Variants in LUZP2 observed in about 807,000 individuals in gnomAD.
The protein encoded by LUZP2 is leucine zipper protein 2.
In LUZP2, 52 loss-of-function variants were observed where a neutral mutation model predicts 51.6. That is an observed-to-expected ratio of 1.01 (90% CI 0.81 to 1.27). LUZP2 has a LOEUF of 1.27. LUZP2 is among the 50% of genes most tolerant of loss of function. The pLI is 0.00. For missense variants in LUZP2, 436 were observed against 395.4 expected (o/e 1.10, Z -0.87); for synonymous variants, 154 against 137.3 (o/e 1.12, Z -0.85).
chr11:24,969,083 T>C (rs1429977941), intron 7 of LUZP2, among the ~76,000 whole-genome samples: 1 of 152,176 alleles, frequency 6.6e-6, no homozygotes, highest in African/African-American at 2.4e-5. Flanking sequence ...TGGTTTGTTG[T>C]ACATATTATT....
intron 5 of LUZP2, among the ~76,000 whole-genome samples, chr11:24,770,541 T>G (rs1353689789): frequency 6.6e-6 from 1 of 152,214 alleles, no homozygotes; most frequent in Non-Finnish European, 1.5e-5. Flanking sequence ...TCAGCTCCTG[T>G]TATCAACTGA....
intron 4 of LUZP2, among the ~76,000 whole-genome samples, chr11:24,741,930 TA>T (rs1859171022): frequency 2.1e-4 from 4 of 19,456 alleles, no homozygotes; most frequent in Non-Finnish European, 6.2e-4. Context: ...ATTTATATAT[TA>T]TATATAAATA....
intron 1 of LUZP2, among the ~76,000 whole-genome samples, chr11:24,630,556 A>G (rs569043911): frequency 2.7e-4 from 41 of 151,926 alleles, no homozygotes; most frequent in African/African-American, 9.6e-4. Context: ...ATGTGTCTAC[A>G]TTAATGCCAG....
At position 24,717,271 on chromosome 11, in the gene LUZP2, T is replaced by C. The variant is rs995666257; in HGVS notation, c.63-11898T>C. On this transcript the variant is annotated intron_variant, in intron 1 of 11. Coordinates refer to ENST00000336930, the MANE Select transcript of LUZP2 (RefSeq NM_001009909.4). Reference sequence around the variant, plus strand: ...ACAATGTGCTATCAAATAAAAACAATGTAGTCTTAATTTTTTTTCTTATTT... The same window carrying C: ...ACAATGTGCTATCAAATAAAAACAACGTAGTCTTAATTTTTTTTCTTATTT... 8.5e-5 allele frequency among the ~76,000 whole-genome samples: 13 copies of C among 152,164 alleles called. 1 individual carries two copies. The East Asian group carries it at 9.7e-4, about 11-fold the overall frequency.
chr11:24,502,955 T>A (rs1295586505), intron 1 of LUZP2, among the ~76,000 whole-genome samples: 1 of 152,238 alleles, frequency 6.6e-6, no homozygotes, highest in African/African-American at 2.4e-5. Context: ...TTCATTGATT[T>A]CATCATTTAC....
At chr11:24,682,647 C>T (rs113972259) in intron 1 of LUZP2, among the ~76,000 whole-genome samples, 27,334 of 148,516 alleles carry the variant, frequency 0.18, 2,627 homozygotes, top group East Asian at 0.32. Context: ...TATATACACA[C>T]ACACACATAC....
chr11:24,993,595 A>C (rs1856413297), intron 9 of LUZP2, among the ~76,000 whole-genome samples: 2 of 152,210 alleles, frequency 1.3e-5, no homozygotes, highest in South Asian at 4.1e-4. Context: ...ACCCTTTACC[A>C]TTATGCGATG....
At chr11:24,773,147 A>T (rs573333844) in intron 5 of LUZP2, among the ~76,000 whole-genome samples, 1 of 151,776 alleles carries the variant, frequency 6.6e-6, no homozygotes, top group African/African-American at 2.4e-5. Context: ...CAATGGAAGT[A>T]TCCTAAAATT....
intron 7 of LUZP2, among the ~76,000 whole-genome samples, chr11:24,935,141 C>T (rs928135338): frequency 6.6e-6 from 1 of 152,046 alleles, no homozygotes; most frequent in African/African-American, 2.4e-5. Context: ...AATTGCTGAC[C>T]TTCTTTACAT....
Position 25,078,670 on chromosome 11 carries a change from C to CAGTATTTCCATCAAGCT in LUZP2, c.*12_*13insAGTATTTCCATCAAGCT. 1 of 1,576,390 alleles carries CAGTATTTCCATCAAGCT rather than the reference C, an allele frequency of 6.3e-7. No homozygotes were observed. Among genetic ancestry groups the CAGTATTTCCATCAAGCT allele is most frequent in the Non-Finnish European group, 8.6e-7 (1 of 1,156,088 alleles). On this transcript the variant is annotated 3_prime_UTR_variant, in exon 12 of 12. Transcript: ENST00000336930. ...AAAAAATACTGTAAATACTAAGAAA[C>CAGTATTTCCATCAAGCT]TGTGTTAAAAACGTCCATTTGCTAT...
At chr11:25,037,408 A>G (rs10834586) in intron 9 of LUZP2, among the ~76,000 whole-genome samples, 146,130 of 152,218 alleles carry the variant, frequency 0.96, 70,398 homozygotes, top group East Asian at 1. Flanking sequence ...TTTTTATCTA[A>G]CCTGACACTC....
intron 9 of LUZP2, among the ~76,000 whole-genome samples, chr11:25,019,908 T>C (rs1485842355): frequency 6.6e-6 from 1 of 150,798 alleles, no homozygotes; most frequent in Non-Finnish European, 1.5e-5. Context: ...GGCATATTGT[T>C]TTGATGTAGT....
At chr11:25,015,976 A>G (rs1032781406) in intron 9 of LUZP2, among the ~76,000 whole-genome samples, 44 of 147,856 alleles carry the variant, frequency 3.0e-4, no homozygotes, top group Middle Eastern at 3.5e-3. Context: ...GCTGGAGTGC[A>G]GTGGTGCAAT....
chr11:24,734,032 T>G (rs1020807580), intron 3 of LUZP2, among the ~76,000 whole-genome samples: 3 of 151,774 alleles, frequency 2.0e-5, no homozygotes, highest in African/African-American at 7.2e-5. Flanking sequence ...TTTAGGTAGC[T>G]CCATAAGAAA....
chr11:24,694,682 C>A (rs573707024), intron 1 of LUZP2, among the ~76,000 whole-genome samples: 1 of 152,158 alleles, frequency 6.6e-6, no homozygotes, highest in East Asian at 1.9e-4. Flanking sequence ...CAATGCCCAT[C>A]AGTGATAAAC....
At chr11:24,977,727 T>C (rs900351009) in intron 8 of LUZP2, among the ~76,000 whole-genome samples, 2 of 151,472 alleles carry the variant, frequency 1.3e-5, no homozygotes, top group African/African-American at 4.8e-5. Context: ...CATATGCCCA[T>C]AATATGTATG....
intron 5 of LUZP2, among the ~76,000 whole-genome samples, chr11:24,878,923 T>A (rs1280525057): frequency 2.0e-5 from 3 of 152,010 alleles, no homozygotes; most frequent in African/African-American, 7.2e-5. Flanking sequence ...TCCAGCTTCA[T>A]CCATGTCCCT....
At chr11:24,592,578 G>A (rs531363767) in intron 1 of LUZP2, among the ~76,000 whole-genome samples, 114 of 151,892 alleles carry the variant, frequency 7.5e-4, no homozygotes, top group Non-Finnish European at 4.7e-4. Context: ...ACTTTCCTCA[G>A]CCTTATTTAT....
At chr11:24,501,544 T>C (rs1442879151) in intron 1 of LUZP2, among the ~76,000 whole-genome samples, 1 of 152,246 alleles carries the variant, frequency 6.6e-6, no homozygotes, top group Non-Finnish European at 1.5e-5. Context: ...CTAGAAGATT[T>C]GCTAAAATCC....
Sources: allele counts gnomAD v4.1 joint callset (sites outside exome capture counted in the v4.1 genomes callset), GRCh38; gene constraint gnomAD v4.1.1; transcripts MANE v1.5; gene names NCBI Gene and HGNC (gene_info 2026-07-23, HGNC 2026-07-21).